KCNH7: variants seen among roughly 807,000 people sequenced by gnomAD.
KCNH7 encodes voltage-gated inwardly rectifying potassium channel KCNH7.
KCNH7 carries 49 observed loss-of-function variants against 120.8 expected under a neutral mutation model. The ratio of observed to expected loss-of-function variants is 0.41; its 90% CI spans 0.32 to 0.51. KCNH7 has a LOEUF of 0.51. Ranked by LOEUF, KCNH7 falls within the 20% of genes least tolerant of loss-of-function variation. The probability of loss-of-function intolerance (pLI) is 0.38; values close to 1 mark genes in which losing one functional copy is unlikely to be tolerated. For missense variants in KCNH7, 1,097 were observed against 1,446.6 expected (o/e 0.76, Z 3.92); for synonymous variants, 547 against 516.1 (o/e 1.06, Z -0.81).
chr2:162,604,543 T>C (rs1694666998), intron 2 of KCNH7, among the ~76,000 whole-genome samples: 1 of 151,962 alleles, frequency 6.6e-6, no homozygotes, highest in African/African-American at 2.4e-5. Context: ...GATTTCCCAT[T>C]CCACATATAC....
chr2:162,493,997 G>C (rs536448864), intron 6 of KCNH7, among the ~76,000 whole-genome samples: 1 of 152,054 alleles, frequency 6.6e-6, no homozygotes, highest in East Asian at 1.9e-4. Context: ...ATAAAAGCAC[G>C]ACAAGGTTTT....
intron 2 of KCNH7, among the ~76,000 whole-genome samples, chr2:162,581,110 G>A (rs1374446697): frequency 6.6e-6 from 1 of 152,024 alleles, no homozygotes; most frequent in African/African-American, 2.4e-5. Flanking sequence ...GGGTAATGGT[G>A]GCAGGCTTCA....
chr2:162,605,502 G>A (rs958604289), intron 2 of KCNH7, among the ~76,000 whole-genome samples: 2 of 152,064 alleles, frequency 1.3e-5, no homozygotes, highest in African/African-American at 4.8e-5. Flanking sequence ...TGGTCCAGTG[G>A]CCAGCAATAA....
chr2:162,460,534 G>C (rs1036734671), intron 6 of KCNH7, among the ~76,000 whole-genome samples: 1 of 152,150 alleles, frequency 6.6e-6, no homozygotes, highest in Non-Finnish European at 1.5e-5. Flanking sequence ...AACCCAGGAA[G>C]AATGCTTTGT....
At chr2:162,469,134 G>T (rs892944572) in intron 6 of KCNH7, among the ~76,000 whole-genome samples, 2 of 151,522 alleles carry the variant, frequency 1.3e-5, no homozygotes, top group African/African-American at 4.9e-5. Flanking sequence ...GAGCAACTGT[G>T]CTTTGCCTTC....
intron 4 of KCNH7, among the ~76,000 whole-genome samples, chr2:162,513,289 CCTT>C: frequency 6.8e-6 from 1 of 147,030 alleles, no homozygotes; most frequent in Admixed American, 6.9e-5. Context: ...CTCCTTCCCT[CCTT>C]CCTTCCCTCC....
chr2:162,405,720 CAT>C (rs1161557549), intron 9 of KCNH7, among the ~76,000 whole-genome samples: 5 of 151,862 alleles, frequency 3.3e-5, no homozygotes, highest in Admixed American at 6.6e-5. Context: ...ATCAAAATGA[CAT>C]GTCTTATTAA....
intron 2 of KCNH7, among the ~76,000 whole-genome samples, chr2:162,743,501 C>T (rs2105415006): frequency 6.6e-6 from 1 of 151,946 alleles, no homozygotes; most frequent in South Asian, 2.1e-4. Context: ...AATTACAGAG[C>T]ACAAACTTAC....
At chr2:162,768,265 G>A (rs1046194327) in intron 2 of KCNH7, among the ~76,000 whole-genome samples, 5 of 152,112 alleles carry the variant, frequency 3.3e-5, no homozygotes, top group African/African-American at 1.2e-4. Flanking sequence ...AGATGTTATT[G>A]ATTAATCAAA....
intron 2 of KCNH7, among the ~76,000 whole-genome samples, chr2:162,700,110 C>T (rs188364273): frequency 7.2e-5 from 11 of 152,208 alleles, no homozygotes; most frequent in Admixed American, 3.3e-4. Context: ...TATTTCCTTT[C>T]CTTTTCAGGA....
chr2:162,728,947 A>G (rs1464563343), intron 2 of KCNH7, among the ~76,000 whole-genome samples: 4 of 152,158 alleles, frequency 2.6e-5, no homozygotes, highest in East Asian at 1.9e-4. Flanking sequence ...ACTTAGATCA[A>G]TGATCTATTT....
chr2:162,752,138 A>G (rs998936125), intron 2 of KCNH7, among the ~76,000 whole-genome samples: 3 of 152,176 alleles, frequency 2.0e-5, no homozygotes, highest in African/African-American at 7.2e-5. Context: ...CATAAGGATA[A>G]AATAAGCAGA....
chr2:162,561,793 A>G (rs939219197), intron 2 of KCNH7, among the ~76,000 whole-genome samples: 7 of 152,202 alleles, frequency 4.6e-5, no homozygotes, highest in Non-Finnish European at 7.3e-5. Context: ...TCACAGTAGC[A>G]AAGACTTGGA....
intron 2 of KCNH7, among the ~76,000 whole-genome samples, chr2:162,713,589 T>C (rs2105361698): frequency 6.6e-6 from 1 of 152,276 alleles, no homozygotes; most frequent in East Asian, 1.9e-4. Context: ...ATAAGCATAA[T>C]GGTATGCTTG....
At chr2:162,431,223 C>CT (rs1688055208) in intron 8 of KCNH7, among the ~76,000 whole-genome samples, 1 of 151,920 alleles carries the variant, frequency 6.6e-6, no homozygotes, top group Non-Finnish European at 1.5e-5. Context: ...TTCAATTTTT[C>CT]TTTTAGAATA....
chr2:162,606,099 T>C (rs1682753079), intron 2 of KCNH7, among the ~76,000 whole-genome samples: 1 of 152,118 alleles, frequency 6.6e-6, no homozygotes. Flanking sequence ...TTGGATAGAT[T>C]TTATAAGCAG....
chr2:162,701,652 A>G (rs1400245714), intron 2 of KCNH7, among the ~76,000 whole-genome samples: 1 of 152,176 alleles, frequency 6.6e-6, no homozygotes, highest in Non-Finnish European at 1.5e-5. Context: ...CAGTCACTAG[A>G]CAGTTTAAAA....
chr2:162,718,677 C>T (rs1057415122), intron 2 of KCNH7, among the ~76,000 whole-genome samples: 1 of 151,924 alleles, frequency 6.6e-6, no homozygotes, highest in African/African-American at 2.4e-5. Context: ...GAACAACACT[C>T]ATTTTGATAT....
At chr2:162,657,649 T>C (rs1161234664) in intron 2 of KCNH7, among the ~76,000 whole-genome samples, 1 of 152,188 alleles carries the variant, frequency 6.6e-6, no homozygotes, top group East Asian at 1.9e-4. Flanking sequence ...TAAACAACTG[T>C]GTACAGGTTT....
Sources: gnomAD v4.1 joint callset for allele counts (sites outside exome capture counted in the v4.1 genomes callset) on GRCh38, gnomAD v4.1.1 for gene constraint, MANE v1.5 for transcripts, NCBI Gene and HGNC (gene_info 2026-07-23, HGNC 2026-07-21) for gene names.